The following CSMD1 variants were observed in gnomAD, a reference collection of about 807,000 sequenced individuals.
CSMD1 encodes CUB and sushi domain-containing protein 1.
In CSMD1, 213 loss-of-function variants were observed where a neutral mutation model predicts 417.5. The observed-to-expected ratio is 0.51, with a 90% confidence interval of 0.46 to 0.57. The LOEUF (loss-of-function observed/expected upper bound fraction) is 0.57. CSMD1 is among the 20% of genes least tolerant of loss of function. CSMD1 has a pLI of 0.00. For synonymous variants in CSMD1, 2,862 were observed against 1,736.8 expected, an observed-to-expected ratio of 1.65 and a Z score of -16.11; for missense variants, 6,923 against 4,529.7, an observed-to-expected ratio of 1.53 and a Z score of -15.17.
At chr8:4,002,217 G>C (rs568930780) in intron 4 of CSMD1, among the ~76,000 whole-genome samples, 20 of 142,810 alleles carry the variant, frequency 1.4e-4, no homozygotes, top group African/African-American at 4.4e-4. Context: ...GTGTGTGTGT[G>C]AGTGTGTGTG....
intron 1 of CSMD1, among the ~76,000 whole-genome samples, chr8:4,854,774 G>A (rs987917100): frequency 6.6e-6 from 1 of 152,290 alleles, no homozygotes. Flanking sequence ...CACCCACAGA[G>A]TCTCGCTGAT....
chr8:3,097,867 T>A (rs1815433858), intron 46 of CSMD1, among the ~76,000 whole-genome samples: 1 of 152,186 alleles, frequency 6.6e-6, no homozygotes, highest in African/African-American at 2.4e-5. Flanking sequence ...CAATCCCACA[T>A]GGGACATCTC....
At chr8:4,464,922 G>C (rs967697096) in intron 2 of CSMD1, among the ~76,000 whole-genome samples, 2 of 152,066 alleles carry the variant, frequency 1.3e-5, no homozygotes, top group Non-Finnish European at 2.9e-5. Flanking sequence ...TTGGGGCTGA[G>C]CACGAAGCCA....
intron 1 of CSMD1, among the ~76,000 whole-genome samples, chr8:4,893,319 CATT>C (rs1164553265): frequency 6.6e-6 from 1 of 151,740 alleles, no homozygotes; most frequent in African/African-American, 2.4e-5. Context: ...TAGAGTAATC[CATT>C]ATTTTATGTT....
At chr8:4,778,221 C>A (rs878964445) in intron 1 of CSMD1, among the ~76,000 whole-genome samples, 3 of 152,058 alleles carry the variant, frequency 2.0e-5, no homozygotes, top group Non-Finnish European at 2.9e-5. Context: ...TTCAGATTTG[C>A]AATTATTAAT....
At chr8:4,585,334 T>C (rs1799644596) in intron 2 of CSMD1, among the ~76,000 whole-genome samples, 3 of 151,996 alleles carry the variant, frequency 2.0e-5, no homozygotes, top group South Asian at 2.1e-4. Context: ...TTAGGCAAAG[T>C]TGAAAAGAGG....
chr8:4,647,659 T>C (rs963210105), intron 1 of CSMD1, among the ~76,000 whole-genome samples: 1 of 152,084 alleles, frequency 6.6e-6, no homozygotes, highest in African/African-American at 2.4e-5. Flanking sequence ...AGTTAGAATA[T>C]GTGGTGTTTG....
At chr8:4,123,242 T>G (rs893581533) in intron 3 of CSMD1, among the ~76,000 whole-genome samples, 1 of 152,170 alleles carries the variant, frequency 6.6e-6, no homozygotes, top group Non-Finnish European at 1.5e-5. Flanking sequence ...GACAGAAACA[T>G]GTAGTAAATG....
chr8:4,564,254 T>C (rs1798484783), intron 2 of CSMD1, among the ~76,000 whole-genome samples: 1 of 152,192 alleles, frequency 6.6e-6, no homozygotes, highest in Non-Finnish European at 1.5e-5. Flanking sequence ...TCCTTACAGA[T>C]AACAGTTTTA....
chr8:3,397,736 G>A (rs1209906541), intron 16 of CSMD1, among the ~76,000 whole-genome samples: 5 of 152,178 alleles, frequency 3.3e-5, no homozygotes, highest in Admixed American at 2.0e-4. Flanking sequence ...TAACAGTGAG[G>A]ACTGACAAAG....
At chr8:3,572,209 C>A (rs879603189) in intron 10 of CSMD1, among the ~76,000 whole-genome samples, 13 of 152,236 alleles carry the variant, frequency 8.5e-5, no homozygotes, top group Non-Finnish European at 1.2e-4. Flanking sequence ...GCGGTGGGAG[C>A]CCCCTCTCAG....
At chr8:4,959,000 C>A (rs1026294766) in intron 1 of CSMD1, among the ~76,000 whole-genome samples, 1 of 152,084 alleles carries the variant, frequency 6.6e-6, no homozygotes, top group Non-Finnish European at 1.5e-5. Context: ...AAACTTAAAT[C>A]TTAATTGTAT....
At chr8:4,025,713 A>C (rs1464552435) in intron 4 of CSMD1, among the ~76,000 whole-genome samples, 1 of 152,176 alleles carries the variant, frequency 6.6e-6, no homozygotes, top group Non-Finnish European at 1.5e-5. Context: ...ATTACCTCTC[A>C]AGAAAAATGA....
At position 4,146,593 on chromosome 8, in the gene CSMD1, CATTTTTTTTTTTTTT is replaced by C. The variant is rs1411787776; in HGVS notation, c.416-114509_416-114495del. On this transcript the variant is annotated intron_variant, in intron 3 of 69. Transcript: ENST00000635120. ...ATCTGTCTAAATGTTTATATGGACA[CATTTTTTTTTTTTTT>C]TTTTTTTTTTTTTTTTTTTTTGAGA... Among the ~76,000 whole-genome samples the C allele has an allele frequency of 3.0e-3, 270 of 90,742 alleles. 15 individuals carry two copies. Among genetic ancestry groups the C allele is most frequent in the African/African-American group, 0.013 (256 of 19,670 alleles). The allele number at this position is 90,742 out of a possible 152,430, so 59.5% of individuals were successfully genotyped here.
chr8:3,563,700 C>G (rs1799573473), intron 10 of CSMD1, among the ~76,000 whole-genome samples: 1 of 151,936 alleles, frequency 6.6e-6, no homozygotes, highest in Admixed American at 6.6e-5. Flanking sequence ...ACCAGCCTGG[C>G]CAATGTAGTG....
At chr8:3,941,030 G>A (rs1356938674) in intron 5 of CSMD1, among the ~76,000 whole-genome samples, 2 of 151,530 alleles carry the variant, frequency 1.3e-5, no homozygotes, top group Non-Finnish European at 2.9e-5. Flanking sequence ...TGCTACATGT[G>A]ATAATTCAAT....
At chr8:3,623,695 G>T (rs1373841836) in intron 7 of CSMD1, among the ~76,000 whole-genome samples, 1 of 152,116 alleles carries the variant, frequency 6.6e-6, no homozygotes, top group African/African-American at 2.4e-5. Flanking sequence ...TGACTCCAGG[G>T]CCGGGCGTGG....
chr8:3,696,667 T>C (rs1256479954), intron 7 of CSMD1, among the ~76,000 whole-genome samples: 1 of 152,198 alleles, frequency 6.6e-6, no homozygotes. Context: ...AGCTCATCCA[T>C]TTTGCAGATA....
At chr8:4,748,774 G>A (rs1206577575) in intron 1 of CSMD1, among the ~76,000 whole-genome samples, 1 of 152,188 alleles carries the variant, frequency 6.6e-6, no homozygotes, top group Non-Finnish European at 1.5e-5. Context: ...GTTAATTATT[G>A]AATAGGTATT....
Sources: gnomAD v4.1 joint callset for allele counts (sites outside exome capture counted in the v4.1 genomes callset) on GRCh38, gnomAD v4.1.1 for gene constraint, MANE v1.5 for transcripts, NCBI Gene and HGNC (gene_info 2026-07-23, HGNC 2026-07-21) for gene names.